RAB27A: variants seen among roughly 807,000 people sequenced by gnomAD.
RAB27A encodes the protein ras-related protein Rab-27A.
Under a neutral mutation model 20.8 loss-of-function variants are expected in RAB27A, and 17 were observed. The ratio of observed to expected loss-of-function variants is 0.82; its 90% CI spans 0.56 to 1.23. The LOEUF (loss-of-function observed/expected upper bound fraction) is 1.23. Ranked by LOEUF, RAB27A falls within the 50% of genes most tolerant of loss-of-function variation. The pLI, the probability that RAB27A is intolerant of heterozygous loss-of-function variation, is 0.00. For synonymous variants in RAB27A, 85 were observed against 92.8 expected, an observed-to-expected ratio of 0.92 and a Z score of 0.48; for missense variants, 277 against 266.7, an observed-to-expected ratio of 1.04 and a Z score of -0.27.
chr15:55,284,033 G>T (rs1286344352), intron 1 of RAB27A, among the ~76,000 whole-genome samples: 5 of 152,154 alleles, frequency 3.3e-5, no homozygotes, highest in Non-Finnish European at 5.9e-5. Context: ...TTATTATTAT[G>T]CTTTGACCTG....
At chr15:55,302,639 T>G (rs2054977652) in intron 2 of RAB27A, among the ~76,000 whole-genome samples, 1 of 104,554 alleles carries the variant, frequency 9.6e-6, no homozygotes, top group African/African-American at 4.6e-5. Context: ...GAGCGCCTCT[T>G]CCCAGCCGCC....
chr15:55,277,307 G>T (rs1485077587), intron 1 of RAB27A, among the ~76,000 whole-genome samples: 1 of 152,154 alleles, frequency 6.6e-6, no homozygotes, highest in Non-Finnish European at 1.5e-5. Context: ...GCGTCTACTG[G>T]TTTTTTGTAA....
intron 2 of RAB27A, among the ~76,000 whole-genome samples, chr15:55,299,592 C>CAAAAAAA (rs570200207): frequency 1.4e-5 from 1 of 70,312 alleles, no homozygotes. Context: ...GAATCTGTCT[C>CAAAAAAA]AAAAAAAAAA....
chr15:55,234,131 GAAATGTAGTCT>G (rs1028231833), intron 3 of RAB27A, among the ~76,000 whole-genome samples: 1 of 152,156 alleles, frequency 6.6e-6, no homozygotes, highest in African/African-American at 2.4e-5. Context: ...TTTTCAACAA[GAAATGTAGTCT>G]AAGGAGAAAG....
chr15:55,247,328 G>A (rs550691651), intron 2 of RAB27A, among the ~76,000 whole-genome samples: 1 of 151,322 alleles, frequency 6.6e-6, no homozygotes, highest in South Asian at 2.1e-4. Context: ...AGAAATGATA[G>A]CACTGCTACC....
intron 2 of RAB27A, among the ~76,000 whole-genome samples, chr15:55,236,302 T>G (rs1181214925): frequency 6.6e-6 from 1 of 152,152 alleles, no homozygotes; most frequent in East Asian, 1.9e-4. Flanking sequence ...CACTGTTATT[T>G]CACAAGTAAA....
intron 6 of RAB27A, among the ~76,000 whole-genome samples, chr15:55,213,253 G>A (rs1292937780): frequency 1.3e-5 from 2 of 152,172 alleles, no homozygotes; most frequent in African/African-American, 2.4e-5. Flanking sequence ...TGTTCTTGAA[G>A]AATGTTTTTG....
intron 4 of RAB27A, 22 bp from the exon 5 acceptor site, chr15:55,228,734 GGTCAGTT>G (rs1197514687): frequency 6.4e-7 from 1 of 1,555,920 alleles, no homozygotes; most frequent in Non-Finnish European, 8.9e-7. Flanking sequence ...AAAGCAGAAT[GGTCAGTT>G]AAACCACGGC....
intron 2 of RAB27A, among the ~76,000 whole-genome samples, chr15:55,297,588 G>A (rs561888895): frequency 9.2e-5 from 14 of 152,322 alleles, no homozygotes; most frequent in African/African-American, 3.1e-4. Flanking sequence ...CAACAACTGA[G>A]AACAAACCAG....
At chr15:55,317,388 C>G in intron 1 of RAB27A, 1 of 214,474 alleles carries the variant, frequency 4.7e-6, no homozygotes, top group Non-Finnish European at 9.2e-6. Context: ...GATCTTGACT[C>G]ACTGCCACCT....
Position 55,203,603 on chromosome 15 carries a change from T to TTA in RAB27A, c.*1903_*1904insTA, listed in dbSNP as rs1555390754. 6 of 146,522 alleles carry TTA rather than the reference T, an allele frequency of 4.1e-5. No homozygotes were observed. Among genetic ancestry groups the TTA allele is most frequent in the African/African-American group, 1.0e-4 (4 of 39,220 alleles). 9.1% of individuals were successfully genotyped at this position (146,522 alleles called of 1,614,324 possible). Reference sequence around the variant, plus strand: ...CCCATTTTTTTTTTTTTTTTTTTTTTAGTAGAGATGGGGTTTCACTGTGTT... The same window carrying TTA: ...CCCATTTTTTTTTTTTTTTTTTTTTTTAAGTAGAGATGGGGTTTCACTGTGTT... On this transcript the variant is annotated 3_prime_UTR_variant, in exon 7 of 7. Coordinates refer to ENST00000336787, the MANE Select transcript of RAB27A (RefSeq NM_183235.3).
At chr15:55,227,604 A>C (rs1457438402) in intron 5 of RAB27A, among the ~76,000 whole-genome samples, 1 of 152,226 alleles carries the variant, frequency 6.6e-6, no homozygotes, top group Non-Finnish European at 1.5e-5. Flanking sequence ...AAAGCTTCAT[A>C]TCCTTGGATA....
chr15:55,251,013 T>C (rs1411713423), intron 2 of RAB27A, among the ~76,000 whole-genome samples: 2 of 152,350 alleles, frequency 1.3e-5, no homozygotes, highest in South Asian at 2.1e-4. Flanking sequence ...AATCTCACTG[T>C]ACACATTTAG....
intron 2 of RAB27A, among the ~76,000 whole-genome samples, chr15:55,254,532 GA>G (rs1897012533): frequency 6.6e-6 from 1 of 152,012 alleles, no homozygotes; most frequent in East Asian, 1.9e-4. Context: ...ATTAATTTCT[GA>G]TGCTTGTAAG....
intron 2 of RAB27A, among the ~76,000 whole-genome samples, chr15:55,302,158 C>CA (rs2054974806): frequency 7.2e-6 from 1 of 138,738 alleles, no homozygotes; most frequent in African/African-American, 2.9e-5. Flanking sequence ...GCCTGGGTGA[C>CA]AGAGGGAGAC....
At chr15:55,296,977 T>C (rs113327790) in intron 2 of RAB27A, among the ~76,000 whole-genome samples, 1 of 152,196 alleles carries the variant, frequency 6.6e-6, no homozygotes, top group Admixed American at 6.5e-5. Context: ...AAATATTTCA[T>C]AATATAATTA....
intron 2 of RAB27A, among the ~76,000 whole-genome samples, chr15:55,260,593 A>G (rs1314745154): frequency 6.6e-6 from 1 of 152,258 alleles, no homozygotes; most frequent in African/African-American, 2.4e-5. Flanking sequence ...AGACAATGGA[A>G]AATTATTCAG....
intron 1 of RAB27A, chr15:55,317,496 G>A (rs1186214920): frequency 1.3e-5 from 4 of 319,466 alleles, no homozygotes; most frequent in Non-Finnish European, 1.7e-5. Context: ...TGTATTTTCA[G>A]TAGAGACAGG....
rs746562337 is a variant in RAB27A at position 55,256,975 on chromosome 15, C to T, written c.-23+13190G>A. ...AGATGAGAGCCTAGATGAGGGCAGC[C>T]GCATGGGAATGGGAAGAAGGGGATC... is the stretch of plus-strand genomic sequence containing the variant. On this transcript the variant is annotated intron_variant, in intron 2 of 6. Transcript: ENST00000336787. 1.1e-4 allele frequency among the ~76,000 whole-genome samples: 17 copies of T among 152,040 alleles called. No homozygotes were observed. The South Asian group carries it at 1.9e-3, about 17-fold the overall frequency.
Sources: gnomAD v4.1 joint callset for allele counts (sites outside exome capture counted in the v4.1 genomes callset) on GRCh38, gnomAD v4.1.1 for gene constraint, MANE v1.5 for transcripts, NCBI Gene and HGNC (gene_info 2026-07-23, HGNC 2026-07-21) for gene names.